GBE1: variants seen among roughly 807,000 people sequenced by gnomAD.
GBE1 encodes the protein 1,4-alpha-glucan-branching enzyme.
GBE1 carries 70 observed loss-of-function variants against 88.8 expected under a neutral mutation model. The ratio of observed to expected loss-of-function variants is 0.79; its 90% confidence interval spans 0.65 to 0.96. The LOEUF (loss-of-function observed/expected upper bound fraction) is 0.96, where lower values mean the gene tolerates loss of function less well. GBE1 is among the 40% of genes least tolerant of loss of function. GBE1 has a pLI of 0.00. For missense variants in GBE1, 872 were observed against 871.0 expected (o/e 1.00, Z -0.01); for synonymous variants, 284 against 300.1 (o/e 0.95, Z 0.56).
chr3:81,704,754 T>C (rs900285171), intron 2 of GBE1, among the ~76,000 whole-genome samples: 1 of 152,148 alleles, frequency 6.6e-6, no homozygotes, highest in Non-Finnish European at 1.5e-5. Context: ...CTTGTCATCA[T>C]TCTAGTAATG....
chr3:81,704,313 T>C (rs560039361), intron 2 of GBE1, among the ~76,000 whole-genome samples: 55 of 152,186 alleles, frequency 3.6e-4, no homozygotes, highest in African/African-American at 1.3e-3. Flanking sequence ...AACCCAAAGT[T>C]CTGTTAAGTC....
chr3:81,580,349 A>C (rs1490064719), intron 11 of GBE1, among the ~76,000 whole-genome samples: 9 of 152,116 alleles, frequency 5.9e-5, no homozygotes, highest in Admixed American at 5.9e-4. Flanking sequence ...CTAAAACATA[A>C]TGGAAACTTG....
chr3:81,602,207 C>T (rs1359248411), intron 7 of GBE1, among the ~76,000 whole-genome samples: 1 of 152,084 alleles, frequency 6.6e-6, no homozygotes, highest in Non-Finnish European at 1.5e-5. Flanking sequence ...TACATTAGTT[C>T]CGAAAAGCCC....
chr3:81,605,718 C>T (rs1704093474), intron 7 of GBE1, among the ~76,000 whole-genome samples: 1 of 152,010 alleles, frequency 6.6e-6, no homozygotes, highest in African/African-American at 2.4e-5. Flanking sequence ...TAGAAAAAAA[C>T]ATTTTAGATT....
intron 3 of GBE1, among the ~76,000 whole-genome samples, chr3:81,668,868 T>C (rs186811971): frequency 0.014 from 2,193 of 152,330 alleles, 12 homozygotes; most frequent in Non-Finnish European, 0.02. Context: ...CTGCTTCTAC[T>C]GAGTGGACTG....
intron 14 of GBE1, among the ~76,000 whole-genome samples, chr3:81,514,252 TTACA>T (rs1183147815): frequency 1.3e-5 from 2 of 151,740 alleles, no homozygotes; most frequent in Middle Eastern, 6.8e-3. Context: ...GTTTATAATT[TTACA>T]TACAAACATA....
intron 12 of GBE1, among the ~76,000 whole-genome samples, chr3:81,551,641 T>C (rs2106895053): frequency 6.6e-6 from 1 of 152,330 alleles, no homozygotes; most frequent in African/African-American, 2.4e-5. Flanking sequence ...CCTGCTGCTT[T>C]GGACTGAACC....
chr3:81,746,874 A>G (rs1016449988), intron 1 of GBE1, among the ~76,000 whole-genome samples: 5 of 152,176 alleles, frequency 3.3e-5, no homozygotes, highest in Non-Finnish European at 5.9e-5. Context: ...GAAAACTGAC[A>G]GTTTGTTTCC....
At chr3:81,575,645 C>T (rs1703638358) in intron 12 of GBE1, among the ~76,000 whole-genome samples, 2 of 151,982 alleles carry the variant, frequency 1.3e-5, no homozygotes, top group Admixed American at 6.6e-5. Context: ...TTTAGAAATG[C>T]CTAAAAGATA....
intron 5 of GBE1, among the ~76,000 whole-genome samples, chr3:81,647,248 G>A (rs1000996927): frequency 2.0e-5 from 3 of 152,030 alleles, no homozygotes; most frequent in Non-Finnish European, 2.9e-5. Flanking sequence ...GTGAGCCACC[G>A]CGCCCAGCCT....
intron 13 of GBE1, among the ~76,000 whole-genome samples, 183 bp downstream of exon 13, chr3:81,536,728 T>A (rs1345851713): frequency 1.3e-5 from 2 of 152,068 alleles, no homozygotes; most frequent in Non-Finnish European, 2.9e-5. Flanking sequence ...TGTTTAAGAT[T>A]TTCATTATCA....
intron 7 of GBE1, among the ~76,000 whole-genome samples, chr3:81,630,975 G>A (rs1174122019): frequency 6.6e-6 from 1 of 152,150 alleles, no homozygotes. Flanking sequence ...GGCTGAAGTG[G>A]GAGGATCACT....
chr3:81,674,157 C>G (rs1482709581), intron 2 of GBE1, among the ~76,000 whole-genome samples: 1 of 151,898 alleles, frequency 6.6e-6, no homozygotes, highest in African/African-American at 2.4e-5. Flanking sequence ...AAATTCTCCT[C>G]TTTCTCATTC....
rs182365211 is a variant in GBE1, at chr3:81,678,478, G to T, written c.314-7525C>A. 6.6e-3 allele frequency among the ~76,000 whole-genome samples: 1,007 copies of T among 152,132 alleles called. 9 individuals are homozygous for T. The highest frequency in any genetic ancestry group is 0.02 in the Middle Eastern group (6 of 294). On this transcript the variant is annotated intron_variant, in intron 2 of 15. Transcript: ENST00000429644. ...TTTCTAAAACAGTATTTACATTATG[G>T]TACTTTCTATGTAACAAAGGGGATG... is the stretch of plus-strand genomic sequence containing the variant.
At chr3:81,708,136 T>C (rs1705804201) in intron 1 of GBE1, among the ~76,000 whole-genome samples, 1 of 151,970 alleles carries the variant, frequency 6.6e-6, no homozygotes, top group Non-Finnish European at 1.5e-5. Flanking sequence ...TTATAAAATT[T>C]GAGGAACTGA....
At chr3:81,725,364 ATT>A (rs1706094253) in intron 1 of GBE1, among the ~76,000 whole-genome samples, 1 of 151,988 alleles carries the variant, frequency 6.6e-6, no homozygotes, top group African/African-American at 2.4e-5. Flanking sequence ...CCGGGTCAGG[ATT>A]ATCAATATCA....
intron 12 of GBE1, among the ~76,000 whole-genome samples, chr3:81,563,843 T>C (rs1476444980): frequency 1.4e-5 from 2 of 147,472 alleles, no homozygotes; most frequent in Non-Finnish European, 3.0e-5. Context: ...GATATATAAG[T>C]AACCTTCTAA....
At chr3:81,527,131 A>T (rs1702953887) in intron 14 of GBE1, among the ~76,000 whole-genome samples, 1 of 152,160 alleles carries the variant, frequency 6.6e-6, no homozygotes, top group East Asian at 1.9e-4. Flanking sequence ...AGGATTCCCT[A>T]TTTAATAAAT....
intron 1 of GBE1, among the ~76,000 whole-genome samples, chr3:81,732,212 T>C (rs1316765984): frequency 6.6e-6 from 1 of 152,040 alleles, no homozygotes; most frequent in Non-Finnish European, 1.5e-5. Context: ...AAAAATAAAA[T>C]GAAATAGAAA....
Sources: allele counts gnomAD v4.1 joint callset (sites outside exome capture counted in the v4.1 genomes callset), GRCh38; gene constraint gnomAD v4.1.1; transcripts MANE v1.5; gene names NCBI Gene and HGNC (gene_info 2026-07-23, HGNC 2026-07-21).